THSD7B: variants seen among roughly 807,000 people sequenced by gnomAD.
THSD7B encodes the protein thrombospondin type-1 domain-containing protein 7B.
In THSD7B, 138 loss-of-function variants were observed where a neutral mutation model predicts 213.6. The observed-to-expected ratio is 0.65, with a 90% confidence interval of 0.56 to 0.74. The LOEUF is 0.74. THSD7B is among the 30% of genes least tolerant of loss of function. THSD7B has a pLI of 0.00. For missense variants in THSD7B, 1,931 were observed against 1,991.5 expected (o/e 0.97, Z 0.58); for synonymous variants, 742 against 687.0 (o/e 1.08, Z -1.25).
intron 2 of THSD7B, among the ~76,000 whole-genome samples, chr2:136,892,573 C>T (rs1012421293): frequency 2.0e-5 from 3 of 151,718 alleles, no homozygotes; most frequent in Non-Finnish European, 4.4e-5. Flanking sequence ...CAGTATTTCA[C>T]GTATATCCTC....
chr2:137,569,521 G>C (rs566901223), intron 16 of THSD7B, among the ~76,000 whole-genome samples: 1 of 152,256 alleles, frequency 6.6e-6, no homozygotes, highest in Admixed American at 6.5e-5. Flanking sequence ...GGATCTAAAG[G>C]TTTGGGTACT....
intron 1 of THSD7B, among the ~76,000 whole-genome samples, chr2:136,808,310 C>G (rs576709889): frequency 1.3e-5 from 2 of 152,346 alleles, no homozygotes; most frequent in East Asian, 3.9e-4. Context: ...CTTACTCCCT[C>G]CAGTGAGGTT....
intron 1 of THSD7B, among the ~76,000 whole-genome samples, chr2:136,795,756 A>G (rs146719128): frequency 2.0e-5 from 3 of 151,912 alleles, no homozygotes; most frequent in African/African-American, 7.2e-5. Context: ...TGCCTTTTTG[A>G]GAATTAAATG....
chr2:136,969,006 A>G (rs1185467804), intron 2 of THSD7B, among the ~76,000 whole-genome samples: 3 of 152,056 alleles, frequency 2.0e-5, no homozygotes, highest in African/African-American at 7.2e-5. Flanking sequence ...TTTATCCCAA[A>G]CTTTGAGATG....
intron 10 of THSD7B, among the ~76,000 whole-genome samples, chr2:137,271,220 C>A (rs1423529427): frequency 6.6e-6 from 1 of 151,216 alleles, no homozygotes; most frequent in Non-Finnish European, 1.5e-5. Flanking sequence ...TCCTCCCTCT[C>A]TCCCACCTTT....
chr2:137,450,740 C>T, intron 14 of THSD7B, 105 bp from the exon 15 acceptor site: 4 of 855,706 alleles, frequency 4.7e-6, no homozygotes, highest in Non-Finnish European at 6.9e-6. Context: ...GAAGCCACTA[C>T]AGCAATATTG....
At chr2:137,390,989 G>T (rs1462939982) in intron 12 of THSD7B, among the ~76,000 whole-genome samples, 3 of 150,588 alleles carry the variant, frequency 2.0e-5, no homozygotes, top group Non-Finnish European at 4.4e-5. Context: ...TGTGGTATGG[G>T]GTGTGTGTGT....
At chr2:137,253,488 G>A (rs533490977) in intron 10 of THSD7B, among the ~76,000 whole-genome samples, 1 of 152,224 alleles carries the variant, frequency 6.6e-6, no homozygotes, top group South Asian at 2.1e-4. Context: ...ATTAGCATTG[G>A]TGGCAAAAAT....
chr2:137,269,037 G>T (rs975363027), intron 10 of THSD7B, among the ~76,000 whole-genome samples: 11 of 152,070 alleles, frequency 7.2e-5, no homozygotes, highest in African/African-American at 2.7e-4. Context: ...AAATATACAT[G>T]CACACACATA....
intron 26 of THSD7B, among the ~76,000 whole-genome samples, chr2:137,666,403 A>G (rs1683447283): frequency 6.6e-6 from 1 of 152,124 alleles, no homozygotes; most frequent in Admixed American, 6.5e-5. Context: ...ACTACATTGA[A>G]CCTCATTCTA....
At chr2:137,273,025 T>TACACACACACACACAC (rs71877881) in intron 11 of THSD7B, among the ~76,000 whole-genome samples, 2 of 140,970 alleles carry the variant, frequency 1.4e-5, no homozygotes, top group Admixed American at 7.2e-5. Flanking sequence ...GGAGAAGGAA[T>TACACACACACACACAC]ACACACACAC....
chr2:136,951,919 G>A (rs575130108), intron 2 of THSD7B, among the ~76,000 whole-genome samples: 2 of 152,120 alleles, frequency 1.3e-5, no homozygotes, highest in East Asian at 1.9e-4. Flanking sequence ...GCCCAGGCTC[G>A]AGTGCAGTGG....
chr2:137,349,565 G>A (rs1207580699), intron 12 of THSD7B, among the ~76,000 whole-genome samples: 1 of 151,798 alleles, frequency 6.6e-6, no homozygotes, highest in Non-Finnish European at 1.5e-5. Context: ...TATGCCAGGA[G>A]GGCAAAGCTG....
chr2:137,059,924 ATGTT>A (rs1687240575), intron 3 of THSD7B, among the ~76,000 whole-genome samples: 1 of 152,202 alleles, frequency 6.6e-6, no homozygotes, highest in Non-Finnish European at 1.5e-5. Context: ...TAGCAAGAGT[ATGTT>A]TAGTTTTGTA....
chr2:136,976,337 C>A (rs545945760), intron 2 of THSD7B, among the ~76,000 whole-genome samples: 48 of 152,258 alleles, frequency 3.2e-4, no homozygotes, highest in Non-Finnish European at 6.2e-4. Flanking sequence ...TTTAGAGGTA[C>A]TTTTCTTCAA....
At chr2:137,050,128 A>G (rs912774281) in intron 2 of THSD7B, among the ~76,000 whole-genome samples, 1 of 152,196 alleles carries the variant, frequency 6.6e-6, no homozygotes, top group African/African-American at 2.4e-5. Context: ...CCTACATTCT[A>G]GGAGGTTAGC....
At chr2:137,387,706 T>C (rs950260433) in intron 12 of THSD7B, among the ~76,000 whole-genome samples, 1 of 152,186 alleles carries the variant, frequency 6.6e-6, no homozygotes. Flanking sequence ...TTTGTTATGA[T>C]CTGAAGGACC....
intron 14 of THSD7B, among the ~76,000 whole-genome samples, chr2:137,430,591 A>C (rs942410764): frequency 4.6e-5 from 7 of 152,206 alleles, no homozygotes; most frequent in African/African-American, 1.7e-4. Context: ...GCCCTAACTT[A>C]CCTTTCTCTC....
chr2:136,878,737 G>T (rs7568937), intron 1 of THSD7B, among the ~76,000 whole-genome samples: 130,719 of 152,168 alleles, frequency 0.86, 56,529 homozygotes, highest in Non-Finnish European at 0.91. Flanking sequence ...TCTGTTCATA[G>T]ACTTCGCCCA....
Sources: allele counts gnomAD v4.1 joint callset (sites outside exome capture counted in the v4.1 genomes callset), GRCh38; gene constraint gnomAD v4.1.1; transcripts MANE v1.5; gene names NCBI Gene and HGNC (gene_info 2026-07-23, HGNC 2026-07-21).